MPHOSPH10: variants seen among roughly 807,000 people sequenced by gnomAD.
MPHOSPH10 encodes the protein M-phase phosphoprotein 10, also known as U3 small nucleolar ribonucleoprotein MPP10.
A neutral mutation model predicts 77.3 loss-of-function variants in MPHOSPH10; 33 were observed. The ratio of observed to expected loss-of-function variants is 0.43; its 90% CI spans 0.32 to 0.57. The LOEUF is 0.57. Among genes scored for constraint, MPHOSPH10 ranks in the 20% least tolerant of loss-of-function variants. The probability of loss-of-function intolerance (pLI) is 0.07; values close to 1 mark genes in which losing one functional copy is unlikely to be tolerated. For synonymous variants in MPHOSPH10, 245 were observed against 268.0 expected (o/e 0.91, Z 0.84); for missense variants, 708 against 780.1 (o/e 0.91, Z 1.10).
Position 71,149,387 on chromosome 2 carries a change from C to T in MPHOSPH10, c.1830C>T (p.Tyr610=), listed in dbSNP as rs751689026. The T allele has an allele frequency of 2.5e-6, 4 of 1,588,956 alleles. No individual in the cohort carries two copies. Among genetic ancestry groups the T allele is most frequent in the Non-Finnish European group, 3.4e-6 (4 of 1,168,778 alleles). The change falls in exon 10 of 11, where the codon TAC becomes TAT. Residue 610 remains tyrosine, a synonymous_variant. Transcript: ENST00000244230. ...GCAGTGTAGATCAAGCAGGGAAATA[C>T]AGCAAAACAGTAGCTTCGGAGAAGT... The part of the protein sequence containing the change: ...EKSSVDQAGK[Y]SKTVASEKLK...
intron 5 of MPHOSPH10, 179 bp downstream of exon 5, chr2:71,138,810 G>A (rs747655513): frequency 1.6e-5 from 13 of 824,798 alleles, no homozygotes; most frequent in African/African-American, 3.4e-5. Context: ...CGAGGCAGAC[G>A]GATCACCTGA....
intron 10 of MPHOSPH10, 114 bp downstream of exon 10, chr2:71,149,567 A>C: frequency 1.0e-6 from 1 of 975,968 alleles, no homozygotes; most frequent in East Asian, 2.5e-5. Flanking sequence ...CGGGATAGAG[A>C]TGCATGATGC....
chr2:71,141,892 C>T (rs964084093), intron 7 of MPHOSPH10, among the ~76,000 whole-genome samples: 1 of 151,818 alleles, frequency 6.6e-6, no homozygotes. Context: ...ATTAGACGGG[C>T]GTGGTGGCAT....
chr2:71,134,699 G>A lies in MPHOSPH10; in HGVS notation c.1000G>A (p.Ala334Thr). 1 of 1,612,284 alleles carries A rather than the reference G, an allele frequency of 6.2e-7. No individual in the cohort carries two copies. The highest frequency in any genetic ancestry group is 8.5e-7 in the Non-Finnish European group (1 of 1,179,110). Residue 334 changes from alanine (A) to threonine (T), a missense_variant, in exon 4 of 11, where the codon GCT becomes ACT. By Grantham distance (58) the Ala-to-Thr change is moderately conservative (BLOSUM62 0). Transcript: ENST00000244230. ...HKESLKRVTF[A>T]LPDDAETEDT... is the part of the protein sequence containing the mutation. Reference sequence around the variant, plus strand: ...AGAAAGCTTGAAAAGAGTGACCTTTGCTTTACCAGATGATGCGGAAACTGA... The same window carrying A: ...AGAAAGCTTGAAAAGAGTGACCTTTACTTTACCAGATGATGCGGAAACTGA...
chr2:71,139,903 A>G, intron 6 of MPHOSPH10, 41 bp downstream of exon 6: 1 of 1,341,492 alleles, frequency 7.5e-7, no homozygotes, highest in Non-Finnish European at 1.1e-6. Context: ...AATGTCACCA[A>G]GATTTTTAGA....
intron 5 of MPHOSPH10, chr2:71,138,971 T>C: frequency 1.8e-6 from 1 of 547,556 alleles, no homozygotes; most frequent in Non-Finnish European, 3.3e-6. Context: ...AAAGGGGAGG[T>C]TGCAGTGAGC....
chr2:71,146,892 T>C (rs1489375135), intron 8 of MPHOSPH10, among the ~76,000 whole-genome samples: 1 of 152,202 alleles, frequency 6.6e-6, no homozygotes, highest in Non-Finnish European at 1.5e-5. Context: ...CTAATGTAAC[T>C]GCAATATATA....
intron 1 of MPHOSPH10, among the ~76,000 whole-genome samples, chr2:71,131,041 A>C (rs1289204645): frequency 2.0e-5 from 3 of 152,110 alleles, no homozygotes; most frequent in African/African-American, 7.2e-5. Context: ...CTACACACAG[A>C]CTGTTGGTTT....
intron 4 of MPHOSPH10, among the ~76,000 whole-genome samples, chr2:71,137,052 A>G (rs1673510587): frequency 6.6e-6 from 1 of 151,838 alleles, no homozygotes; most frequent in Non-Finnish European, 1.5e-5. Context: ...TATTCTCTTG[A>G]ATCAGTATTA....
intron 9 of MPHOSPH10, chr2:71,148,535 A>G (rs938433199): frequency 6.0e-6 from 1 of 166,764 alleles, no homozygotes; most frequent in African/African-American, 2.4e-5. Flanking sequence ...AAGAGGCTAG[A>G]TATATCAAAT....
chr2:71,140,101 C>G (rs1673583420), intron 6 of MPHOSPH10, among the ~76,000 whole-genome samples: 1 of 152,160 alleles, frequency 6.6e-6, no homozygotes. Flanking sequence ...GTGAGTCTTG[C>G]TGACCTTTTG....
At position 71,130,711 on chromosome 2, in the gene MPHOSPH10, A is replaced by C; in HGVS notation, c.46A>C (p.Thr16Pro). Residue 16 changes from threonine to proline, a missense_variant, in exon 1 of 11, where the codon ACG becomes CCG. Transcript: ENST00000244230. ...WRRRTLERCL[T>P]EVGKATGRPE... ...TCGACGGACCCTGGAGCGGTGTCTG[A>C]CGGAAGTCGGCAAAGCCACGGGTCG... 1.9e-6 allele frequency: 3 copies of C among 1,611,028 alleles called. No individual in the cohort carries two copies. The highest frequency in any genetic ancestry group is 2.5e-6 in the Non-Finnish European group (3 of 1,179,356).
intron 1 of MPHOSPH10, among the ~76,000 whole-genome samples, chr2:71,132,579 A>C (rs1448344871): frequency 6.6e-6 from 1 of 152,262 alleles, no homozygotes; most frequent in African/African-American, 2.4e-5. Flanking sequence ...CATTGAATGA[A>C]TAAGTGAACA....
intron 1 of MPHOSPH10, 140 bp from the exon 2 acceptor site, chr2:71,132,758 A>T: frequency 8.8e-7 from 1 of 1,130,104 alleles, no homozygotes. Flanking sequence ...ATCAGCTTAT[A>T]TGTTGTTGGG....
At position 71,134,730 on chromosome 2, in the gene MPHOSPH10, C is replaced by T. The variant is rs747493720; in HGVS notation, c.1031C>T (p.Thr344Ile). Residue 344 changes from threonine (T) to isoleucine (I), a missense_variant, in exon 4 of 11, where the codon ACA (threonine) becomes ATA (isoleucine). Around this residue, in one of 3 missense-constraint regions of MPHOSPH10, gnomAD observed 433 missense variants for 432.6 expected, o/e 1.00. Transcript: ENST00000244230. ...CCAGATGATGCGGAAACTGAAGATA[C>T]AGGTGTTTTAAATGTAAAGAAAAAT... ...ALPDDAETED[T>I]GVLNVKKNSD... is the part of the protein sequence containing the mutation. 1 of 1,610,650 alleles carries T rather than the reference C, an allele frequency of 6.2e-7. No homozygotes were observed. Among genetic ancestry groups the T allele is most frequent in the Non-Finnish European group, 8.5e-7 (1 of 1,178,230 alleles).
chr2:71,148,905 A>C, intron 9 of MPHOSPH10: 1 of 335,042 alleles, frequency 3.0e-6, no homozygotes, highest in Non-Finnish European at 5.5e-6. Flanking sequence ...AGCCCATTGG[A>C]ATCTAAATGC....
chr2:71,130,807 G>C (rs971519705), intron 1 of MPHOSPH10, 53 bp downstream of exon 1: 11 of 1,525,300 alleles, frequency 7.2e-6, no homozygotes, highest in African/African-American at 2.7e-5. Context: ...ACGTGGACGC[G>C]GGTTGCAGGC....
intron 2 of MPHOSPH10, 147 bp downstream of exon 2, chr2:71,133,723 C>T: frequency 9.9e-7 from 1 of 1,007,558 alleles, no homozygotes; most frequent in Non-Finnish European, 1.4e-6. Flanking sequence ...TCTGTACTTC[C>T]ATTCAATTTA....
Position 71,133,107 on chromosome 2 carries a change from A to G in MPHOSPH10, c.299A>G (p.Asn100Ser). The change falls in exon 2 of 11, where the codon AAT becomes AGT. Residue 100 changes from asparagine (N) to serine (S), a missense_variant. By Grantham distance (46) the Asn-to-Ser change is conservative. This residue lies in a region of MPHOSPH10 where 433 missense variants were observed against 432.6 expected (regional missense o/e 1.00). Coordinates refer to ENST00000244230, the MANE Select transcript of MPHOSPH10 (RefSeq NM_005791.3). ...YFQNAVSETI[N>S]DEDISLLPES... ...CAGAATGCAGTTAGTGAAACAATTA[A>G]TGATGAAGATATCAGTCTTCTCCCA... is the stretch of plus-strand genomic sequence containing the variant. 1.2e-6 allele frequency: 2 copies of G among 1,614,208 alleles called. No homozygotes were observed. Among genetic ancestry groups the G allele is most frequent in the Non-Finnish European group, 8.5e-7 (1 of 1,180,026 alleles).
Sources: gnomAD v4.1 joint callset for allele counts (sites outside exome capture counted in the v4.1 genomes callset) on GRCh38, gnomAD v4.1.1 for gene constraint, gnomAD v4.1.1 regional missense constraint, MANE v1.5 for transcripts, NCBI Gene and HGNC (gene_info 2026-07-23, HGNC 2026-07-21) for gene names.